The following TDRD5 variants were observed in gnomAD, a reference collection of about 807,000 sequenced individuals.
TDRD5 encodes tudor domain-containing protein 5.
In TDRD5, 41 loss-of-function variants were observed where a neutral mutation model predicts 120.6. The observed-to-expected ratio is 0.34, with a 90% confidence interval of 0.26 to 0.44. The LOEUF is 0.44. Among genes scored for constraint, TDRD5 ranks in the 20% least tolerant of loss-of-function variants. The probability of loss-of-function intolerance (pLI) is 1.00; values close to 1 mark genes in which losing one functional copy is unlikely to be tolerated. For synonymous variants in TDRD5, 430 were observed against 433.7 expected, an observed-to-expected ratio of 0.99 and a Z score of 0.11; for missense variants, 1,006 against 1,221.2, an observed-to-expected ratio of 0.82 and a Z score of 2.63.
intron 17 of TDRD5, among the ~76,000 whole-genome samples, chr1:179,679,275 G>T (rs960045454): frequency 8.6e-5 from 13 of 151,994 alleles, no homozygotes; most frequent in African/African-American, 2.4e-4. Context: ...TTAAAATATT[G>T]TTAAGGATTT....
At chr1:179,653,137 TC>T (rs1678810751) in intron 13 of TDRD5, among the ~76,000 whole-genome samples, 1 of 152,168 alleles carries the variant, frequency 6.6e-6, no homozygotes, top group Non-Finnish European at 1.5e-5. Context: ...ATAAACCATG[TC>T]CTCCAAGTCT....
rs749273630 is a variant in TDRD5, at chr1:179,595,785, T to G, written c.798T>G (p.Thr266=). ...CTTCCAAGTTAAATGTAGTGGAGAC[T>G]TCAAGACTGAATCACACTGAAAAAT... ...EKTSKLNVVE[T]SRLNHTEKLN... Residue 266 remains threonine, a synonymous_variant, in exon 4 of 18, where the codon ACT becomes ACG. Coordinates refer to ENST00000444136, the MANE Select transcript of TDRD5 (RefSeq NM_001199085.3). The G allele has an allele frequency of 1.2e-6, 2 of 1,611,768 alleles. No homozygotes were observed. Among genetic ancestry groups the G allele is most frequent in the South Asian group, 2.2e-5 (2 of 90,290 alleles).
Position 179,618,586 on chromosome 1 carries a change from T to C in TDRD5, c.832-13T>C, listed in dbSNP as rs1302013347. 6.4e-7 allele frequency: 1 copy of C among 1,571,728 alleles called. No homozygotes were observed. The highest frequency in any genetic ancestry group is 8.6e-7 in the Non-Finnish European group (1 of 1,165,350). On this transcript the variant is annotated splice_polypyrimidine_tract_variant and intron_variant, in intron 4 of 17. Transcript: ENST00000444136. ...GGGGACTGTGACTTGACTTTTTTTTTCTTTTTTCATAGCTGGAGAACACAT... is the reference window on the plus strand; with the variant it reads ...GGGGACTGTGACTTGACTTTTTTTTCCTTTTTTCATAGCTGGAGAACACAT...
At chr1:179,647,500 A>G (rs1225793320) in intron 11 of TDRD5, among the ~76,000 whole-genome samples, 1 of 152,010 alleles carries the variant, frequency 6.6e-6, no homozygotes, top group Non-Finnish European at 1.5e-5. Flanking sequence ...TAAAAACCCT[A>G]CAAGAAAACC....
At chr1:179,603,559 G>T (rs192064271) in intron 4 of TDRD5, among the ~76,000 whole-genome samples, 1 of 152,050 alleles carries the variant, frequency 6.6e-6, no homozygotes, top group Non-Finnish European at 1.5e-5. Flanking sequence ...CTTGTGTACC[G>T]ATTTTGCTGA....
At chr1:179,662,722 T>C (rs1679378572) in intron 15 of TDRD5, among the ~76,000 whole-genome samples, 1 of 152,242 alleles carries the variant, frequency 6.6e-6, no homozygotes, top group African/African-American at 2.4e-5. Flanking sequence ...ATTCAAAGAA[T>C]ACATGATTTT....
At chr1:179,600,332 T>C (rs1025799768) in intron 4 of TDRD5, among the ~76,000 whole-genome samples, 1 of 152,198 alleles carries the variant, frequency 6.6e-6, no homozygotes, top group Non-Finnish European at 1.5e-5. Context: ...ATTTTTACTG[T>C]ACCTCTTGTG....
At position 179,651,741 on chromosome 1, in the gene TDRD5, G is replaced by A. The variant is rs147027928; in HGVS notation, c.2002-298G>A. Among the ~76,000 whole-genome samples the A allele has an allele frequency of 1.3e-3, 204 of 152,034 alleles. 7 individuals are homozygous for A. In the East Asian group the frequency reaches 0.027, roughly 20 times the overall value. ...ATCCTGGCTAACACAGTGAAACCTC[G>A]TCTCCACTAAAAATACAAAAAATTA... On this transcript the variant is annotated intron_variant, in intron 12 of 17. Transcript: ENST00000444136.
At chr1:179,613,058 A>G (rs1558379188) in intron 4 of TDRD5, among the ~76,000 whole-genome samples, 1 of 152,156 alleles carries the variant, frequency 6.6e-6, no homozygotes, top group African/African-American at 2.4e-5. Flanking sequence ...TTGGACTTAT[A>G]AATAAATATC....
chr1:179,625,008 T>C (rs530676349), intron 6 of TDRD5, among the ~76,000 whole-genome samples: 7 of 152,064 alleles, frequency 4.6e-5, no homozygotes, highest in African/African-American at 1.7e-4. Flanking sequence ...GCATGGTGGC[T>C]CATGCCTGTA....
At chr1:179,661,107 GTTCT>G (rs1280948112) in intron 14 of TDRD5, among the ~76,000 whole-genome samples, 2 of 151,970 alleles carry the variant, frequency 1.3e-5, no homozygotes, top group African/African-American at 4.8e-5. Context: ...ATTCAAGATA[GTTCT>G]TTGTCTTTAG....
chr1:179,655,423 CT>C (rs1301168358), intron 14 of TDRD5, among the ~76,000 whole-genome samples: 1 of 152,108 alleles, frequency 6.6e-6, no homozygotes, highest in Non-Finnish European at 1.5e-5. Context: ...CCTTGCATAA[CT>C]TTTTTTCATG....
intron 5 of TDRD5, 52 bp downstream of exon 5, chr1:179,618,734 A>G (rs771124620): frequency 7.4e-7 from 1 of 1,353,946 alleles, no homozygotes; most frequent in South Asian, 1.5e-5. Context: ...ATAAATTTAT[A>G]TATCATTTGT....
In TDRD5 at chr1:179,675,521, C is replaced by T. The variant is rs1026753392; in HGVS notation, c.2860+6117C>T. Among the ~76,000 whole-genome samples the T allele has an allele frequency of 8.8e-4, 134 of 151,520 alleles. 1 individual carries two copies. Among genetic ancestry groups the T allele is most frequent in the African/African-American group, 2.3e-3 (94 of 41,318 alleles). ...GTCTCGATCTCCTGACCTCGTGATC[C>T]GCCCGCCTCGGCCTCCCAAAGTGCT... On this transcript the variant is annotated intron_variant, in intron 17 of 17. Coordinates refer to ENST00000444136, the MANE Select transcript of TDRD5 (RefSeq NM_001199085.3).
At chr1:179,602,816 T>C (rs1176023170) in intron 4 of TDRD5, among the ~76,000 whole-genome samples, 1 of 152,134 alleles carries the variant, frequency 6.6e-6, no homozygotes, top group East Asian at 1.9e-4. Context: ...AGTGTTATGC[T>C]TCCAGATTTG....
Position 179,592,585 on chromosome 1 carries a change from T to A in TDRD5, c.-14-17T>A. On this transcript the variant is annotated splice_polypyrimidine_tract_variant and intron_variant, in intron 1 of 17. Coordinates refer to ENST00000444136, the MANE Select transcript of TDRD5 (RefSeq NM_001199085.3). ...GTGGGTTTGCCCCCTTTTCCTCAGCTGCGTTTCTGTCTTCAGTCCTGTAGG... is the reference window on the plus strand; with the variant it reads ...GTGGGTTTGCCCCCTTTTCCTCAGCAGCGTTTCTGTCTTCAGTCCTGTAGG... The A allele has an allele frequency of 1.2e-6, 2 of 1,600,564 alleles. No individual in the cohort carries two copies. Among genetic ancestry groups the A allele is most frequent in the Non-Finnish European group, 1.7e-6 (2 of 1,169,102 alleles).
intron 4 of TDRD5, 22 bp from the exon 5 acceptor site, chr1:179,618,577 C>CTT: frequency 1.9e-6 from 3 of 1,545,304 alleles, no homozygotes; most frequent in South Asian, 2.5e-5. Context: ...TGTGACTTGA[C>CTT]TTTTTTTTTC....
At chr1:179,684,052 A>AT (rs997104913) in intron 17 of TDRD5, among the ~76,000 whole-genome samples, 31 of 151,432 alleles carry the variant, frequency 2.0e-4, no homozygotes, top group South Asian at 1.0e-3. Flanking sequence ...CTTTTATTTC[A>AT]TTTTTTTTAT....
intron 17 of TDRD5, among the ~76,000 whole-genome samples, chr1:179,675,133 G>A (rs1203773048): frequency 1.3e-5 from 2 of 151,604 alleles, no homozygotes; most frequent in East Asian, 1.9e-4. Flanking sequence ...ACCTTAGATT[G>A]TTTATTTGTG....
Sources: gnomAD v4.1 joint callset for allele counts (sites outside exome capture counted in the v4.1 genomes callset) on GRCh38, gnomAD v4.1.1 for gene constraint, MANE v1.5 for transcripts, NCBI Gene and HGNC (gene_info 2026-07-23, HGNC 2026-07-21) for gene names.